Variants in SPTLC3 observed in about 807,000 individuals in gnomAD.
SPTLC3 encodes the protein serine palmitoyltransferase 3.
SPTLC3 carries 36 observed loss-of-function variants against 59.3 expected under a neutral mutation model. That is an observed-to-expected ratio of 0.61 (90% CI 0.47 to 0.80). SPTLC3 has a LOEUF of 0.80. Among genes scored for constraint, SPTLC3 ranks in the 30% least tolerant of loss-of-function variants. The pLI, the probability that SPTLC3 is intolerant of heterozygous loss-of-function variation, is 0.00. For missense variants in SPTLC3, 625 were observed against 685.1 expected, an observed-to-expected ratio of 0.91 and a Z score of 0.98; for synonymous variants, 257 against 240.8, an observed-to-expected ratio of 1.07 and a Z score of -0.62.
In SPTLC3 at chr20:13,089,131, G is replaced by T. The variant is rs374518343; in HGVS notation, c.608-1952G>T. On this transcript the variant is annotated intron_variant, in intron 4 of 11. Transcript: ENST00000399002. ...AGCACAGTAAGAAAATTAACGTACA[G>T]ATTTAAATAAATTCTTATATCATAC... Among the ~76,000 whole-genome samples the T allele has an allele frequency of 2.2e-4, 33 of 152,256 alleles. 2 individuals carry two copies. The South Asian group carries it at 2.7e-3, about 12-fold the overall frequency.
At chr20:13,079,844 G>T (rs1347122605) in intron 4 of SPTLC3, 1 of 454,902 alleles carries the variant, frequency 2.2e-6, no homozygotes, top group Admixed American at 2.5e-5. Flanking sequence ...ATGGAAAATG[G>T]GCAGGCACTC....
At chr20:13,081,907 T>C (rs1012995244) in intron 4 of SPTLC3, among the ~76,000 whole-genome samples, 1 of 152,082 alleles carries the variant, frequency 6.6e-6, no homozygotes, top group Non-Finnish European at 1.5e-5. Context: ...AGGAGAAAAA[T>C]GAAAGCATAT....
intron 1 of SPTLC3, among the ~76,000 whole-genome samples, chr20:13,029,689 C>T (rs559118845): frequency 3.3e-4 from 51 of 152,272 alleles, no homozygotes; most frequent in African/African-American, 1.2e-3. Context: ...AGTAAAATAA[C>T]ATGTGCTGCT....
intron 7 of SPTLC3, among the ~76,000 whole-genome samples, chr20:13,113,252 T>G (rs1990343577): frequency 6.6e-6 from 1 of 152,140 alleles, no homozygotes; most frequent in South Asian, 2.1e-4. Context: ...GTGAAGTCAA[T>G]AGTTCACAAA....
chr20:13,126,617 C>T lies in SPTLC3; in HGVS notation c.1179C>T (p.His393=), dbSNP rs752439006. ...RKDLVDYLRV[H]SHSAVYASSM... is the part of the protein sequence containing the mutation. ...ACCTCGTGGATTATTTACGGGTTCA[C>T]TCGCATAGTGCTGTTTATGCTTCAT... is the stretch of plus-strand genomic sequence containing the variant. Residue 393 remains histidine (H), a synonymous_variant, in exon 9 of 12, where the codon CAC becomes CAT. Transcript: ENST00000399002. 8 of 1,613,992 alleles carry T rather than the reference C, an allele frequency of 5.0e-6. No homozygotes were observed. In the Admixed American group the frequency reaches 8.3e-5, roughly 17 times the overall value.
intron 1 of SPTLC3, among the ~76,000 whole-genome samples, chr20:13,038,431 G>C (rs557967162): frequency 3.9e-5 from 6 of 152,032 alleles, no homozygotes; most frequent in African/African-American, 1.4e-4. Context: ...GTCTTTCTTA[G>C]AGTGTCCATT....
chr20:13,057,297 A>G (rs1987769419), intron 2 of SPTLC3, among the ~76,000 whole-genome samples: 1 of 149,558 alleles, frequency 6.7e-6, no homozygotes, highest in Non-Finnish European at 1.5e-5. Context: ...GAATGCATTC[A>G]TGAAGTGATG....
chr20:13,090,896 A>G (rs1332584958), intron 4 of SPTLC3, among the ~76,000 whole-genome samples, 187 bp from the exon 5 acceptor site: 1 of 151,944 alleles, frequency 6.6e-6, no homozygotes, highest in Non-Finnish European at 1.5e-5. Flanking sequence ...AATACCCCAC[A>G]TTGTATTTTT....
Position 13,037,024 on chromosome 20 carries a change from C to T in SPTLC3, c.118-11921C>T, listed in dbSNP as rs537378642. Among the ~76,000 whole-genome samples the T allele has an allele frequency of 5.6e-4, 85 of 152,280 alleles. 1 individual carries two copies. The East Asian group carries it at 0.016, about 29-fold the overall frequency. ...AATCGAAAACCAGTATTTTCCATCTCTTCATTCTACCATCTTTTGTGCATT... is the reference window on the plus strand; with the variant it reads ...AATCGAAAACCAGTATTTTCCATCTTTTCATTCTACCATCTTTTGTGCATT... On this transcript the variant is annotated intron_variant, in intron 1 of 11. Transcript: ENST00000399002.
At chr20:13,034,542 T>C (rs1252136325) in intron 1 of SPTLC3, among the ~76,000 whole-genome samples, 1 of 152,190 alleles carries the variant, frequency 6.6e-6, no homozygotes, top group East Asian at 1.9e-4. Context: ...TTATTCTTAA[T>C]TATCTTTTCT....
At chr20:13,038,933 C>A (rs963581376) in intron 1 of SPTLC3, among the ~76,000 whole-genome samples, 2 of 152,020 alleles carry the variant, frequency 1.3e-5, no homozygotes, top group African/African-American at 4.8e-5. Context: ...TTAATTTCCA[C>A]ATATTTGTAA....
chr20:13,064,249 TC>T (rs1299765956), intron 2 of SPTLC3, among the ~76,000 whole-genome samples: 1 of 98,410 alleles, frequency 1.0e-5, no homozygotes, highest in Non-Finnish European at 2.1e-5. Context: ...ATTAAATAGT[TC>T]TTTTTTTTCT....
At chr20:13,052,322 A>G (rs1987529914) in intron 2 of SPTLC3, among the ~76,000 whole-genome samples, 1 of 152,140 alleles carries the variant, frequency 6.6e-6, no homozygotes. Flanking sequence ...CTGTGCCACG[A>G]GGAACAGTGC....
At chr20:13,146,009 A>G (rs929188136) in intron 9 of SPTLC3, among the ~76,000 whole-genome samples, 1 of 152,222 alleles carries the variant, frequency 6.6e-6, no homozygotes, top group Admixed American at 6.5e-5. Flanking sequence ...ACAATAGCAA[A>G]GACATGGAAT....
chr20:13,140,632 A>G (rs948196589), intron 9 of SPTLC3, among the ~76,000 whole-genome samples: 3 of 149,666 alleles, frequency 2.0e-5, no homozygotes, highest in Non-Finnish European at 4.5e-5. Context: ...ATTCTACAGC[A>G]TATCTACAGG....
chr20:13,107,623 C>A (rs1369760305), intron 6 of SPTLC3, among the ~76,000 whole-genome samples: 2 of 152,148 alleles, frequency 1.3e-5, no homozygotes, highest in Non-Finnish European at 2.9e-5. Context: ...AGGAAAGTGG[C>A]ATGAAATAAA....
chr20:13,012,367 T>C (rs1255286844), intron 1 of SPTLC3, among the ~76,000 whole-genome samples: 2 of 152,168 alleles, frequency 1.3e-5, no homozygotes, highest in East Asian at 1.9e-4. Context: ...CCCTAACAGG[T>C]GGTTGCTTTT....
chr20:13,134,419 TG>T (rs1490756538), intron 9 of SPTLC3, among the ~76,000 whole-genome samples: 2 of 152,196 alleles, frequency 1.3e-5, no homozygotes, highest in Admixed American at 1.3e-4. Flanking sequence ...TCACTGATGT[TG>T]GGGAAAGTTC....
In SPTLC3 at chr20:13,117,639, G is replaced by A. The variant is rs781753559; in HGVS notation, c.1066G>A (p.Gly356Arg). The change falls in exon 8 of 12, where the codon GGA becomes AGA. Residue 356 changes from glycine (G) to arginine (R), a missense_variant. Gly to Arg is a moderately radical substitution (Grantham distance 125, BLOSUM62 -2). Coordinates refer to ENST00000399002, the MANE Select transcript of SPTLC3 (RefSeq NM_018327.4). ...PTGRGVTEFF[G>R]LDPHEVDVLM... Reference sequence around the variant, plus strand: ...CGGCCGGGGTGTCACGGAGTTCTTTGGACTAGACCCTCATGAAGTTGATGT... The same window carrying A: ...CGGCCGGGGTGTCACGGAGTTCTTTAGACTAGACCCTCATGAAGTTGATGT... The A allele has an allele frequency of 1.2e-6, 2 of 1,614,070 alleles. No individual in the cohort carries two copies. The highest frequency in any genetic ancestry group is 1.7e-6 in the Non-Finnish European group (2 of 1,179,952).
Sources: gnomAD v4.1 joint callset for allele counts (sites outside exome capture counted in the v4.1 genomes callset) on GRCh38, gnomAD v4.1.1 for gene constraint, MANE v1.5 for transcripts, NCBI Gene and HGNC (gene_info 2026-07-23, HGNC 2026-07-21) for gene names.